Variants in ARB2A observed in about 807,000 individuals in gnomAD.
The protein encoded by ARB2A is cotranscriptional regulator ARB2A.
the ARB2A span, among the ~76,000 whole-genome samples, chr5:93,811,209 A>G: frequency 1.3e-5 from 2 of 152,140 alleles, no homozygotes; most frequent in Non-Finnish European, 2.9e-5. Flanking sequence ...AAAAGAGCCA[A>G]CCAGGGGTTT....
the ARB2A span, among the ~76,000 whole-genome samples, chr5:93,677,479 G>A: frequency 1.3e-5 from 2 of 152,212 alleles, no homozygotes; most frequent in African/African-American, 2.4e-5. Context: ...AAGTGAGCAG[G>A]CGTGCTGCCA....
the ARB2A span, among the ~76,000 whole-genome samples, chr5:93,811,124 G>A: frequency 6.6e-6 from 1 of 152,168 alleles, no homozygotes; most frequent in Admixed American, 6.5e-5. Flanking sequence ...CTGTTCCAGC[G>A]AGATATAAAA....
At chr5:94,104,503 G>T in the ARB2A span, among the ~76,000 whole-genome samples, 3 of 151,940 alleles carry the variant, frequency 2.0e-5, no homozygotes, top group South Asian at 2.1e-4. Flanking sequence ...TTTCAAAATT[G>T]ATCAGTAATA....
chr5:93,632,152 T>A, the ARB2A span, among the ~76,000 whole-genome samples: 1 of 152,038 alleles, frequency 6.6e-6, no homozygotes, highest in Non-Finnish European at 1.5e-5. Flanking sequence ...AGTAAACCAA[T>A]GAACGTGCAA....
the ARB2A span, among the ~76,000 whole-genome samples, chr5:93,762,271 C>T: frequency 6.6e-6 from 1 of 152,006 alleles, no homozygotes; most frequent in Non-Finnish European, 1.5e-5. Context: ...GGAGGAAGTT[C>T]GAATCCAAGG....
the ARB2A span, among the ~76,000 whole-genome samples, chr5:93,854,705 C>T: frequency 2.6e-5 from 4 of 152,106 alleles, no homozygotes; most frequent in Admixed American, 6.5e-5. Context: ...GCCTTCATTT[C>T]GTTTTATGTA....
chr5:93,824,480 ATAAAAAT>A, the ARB2A span, among the ~76,000 whole-genome samples: 1 of 152,184 alleles, frequency 6.6e-6, no homozygotes, highest in African/African-American at 2.4e-5. Context: ...GAATTAAAAG[ATAAAAAT>A]TAAAAAAAAC....
chr5:93,777,518 T>C, the ARB2A span, among the ~76,000 whole-genome samples: 1 of 152,132 alleles, frequency 6.6e-6, no homozygotes, highest in Non-Finnish European at 1.5e-5. Flanking sequence ...ATCATATGGT[T>C]TCTAAAAAAT....
the ARB2A span, among the ~76,000 whole-genome samples, chr5:93,770,684 G>T: frequency 4.9e-4 from 74 of 152,238 alleles, no homozygotes; most frequent in East Asian, 7.9e-3. Flanking sequence ...GCCAAATCAT[G>T]AGTGAACTCC....
At chr5:93,649,561 T>A in the ARB2A span, among the ~76,000 whole-genome samples, 1 of 152,226 alleles carries the variant, frequency 6.6e-6, no homozygotes, top group East Asian at 1.9e-4. Context: ...CAACTATGAA[T>A]GGGAATAACT....
At chr5:93,864,273 AAATGAATATACCAC>A in the ARB2A span, among the ~76,000 whole-genome samples, 1 of 152,206 alleles carries the variant, frequency 6.6e-6, no homozygotes, top group Non-Finnish European at 1.5e-5. Flanking sequence ...GAGTGTTGTA[AAATGAATATACCAC>A]AATGAATATA....
chr5:93,957,534 A>C, the ARB2A span, among the ~76,000 whole-genome samples: 5 of 152,100 alleles, frequency 3.3e-5, no homozygotes, highest in Non-Finnish European at 1.5e-5. Flanking sequence ...TCTAAACTTC[A>C]ATTTATTTTT....
the ARB2A span, among the ~76,000 whole-genome samples, chr5:93,818,053 A>T: frequency 1.7e-3 from 263 of 152,218 alleles, 1 homozygote; most frequent in Non-Finnish European, 3.2e-3. Context: ...TTCTCCAAAA[A>T]ATACAAATGG....
the ARB2A span, among the ~76,000 whole-genome samples, chr5:93,957,725 G>T: frequency 6.6e-6 from 1 of 152,058 alleles, no homozygotes; most frequent in African/African-American, 2.4e-5. Flanking sequence ...TTTTTTAGGA[G>T]CTGGGCTGAG....
chr5:93,765,816 C>A, the ARB2A span, among the ~76,000 whole-genome samples: 1 of 152,166 alleles, frequency 6.6e-6, no homozygotes, highest in Admixed American at 6.5e-5. Flanking sequence ...ACCAAAACAG[C>A]ATGGTACTGG....
the ARB2A span, among the ~76,000 whole-genome samples, chr5:93,762,711 A>G: frequency 6.6e-6 from 1 of 152,172 alleles, no homozygotes; most frequent in Non-Finnish European, 1.5e-5. Context: ...CGCCACAAAG[A>G]TACTCCTGGA....
the ARB2A span, among the ~76,000 whole-genome samples, chr5:93,669,951 A>G: frequency 6.6e-6 from 1 of 152,176 alleles, no homozygotes; most frequent in South Asian, 2.1e-4. Context: ...ATAAAAAGAG[A>G]GCATGGTTAA....
the ARB2A span, among the ~76,000 whole-genome samples, chr5:94,031,555 T>C: frequency 2.4e-4 from 37 of 152,130 alleles, no homozygotes; most frequent in African/African-American, 8.9e-4. Context: ...GCAAAAATAA[T>C]TGGAAAATTC....
At chr5:93,926,757 GA>G in the ARB2A span, among the ~76,000 whole-genome samples, 8 of 150,494 alleles carry the variant, frequency 5.3e-5, no homozygotes, top group Admixed American at 2.0e-4. Flanking sequence ...TTTGAAAGAA[GA>G]TTTTTTTTTT....
Sources: allele counts gnomAD v4.1 joint callset (sites outside exome capture counted in the v4.1 genomes callset), GRCh38; gene constraint gnomAD v4.1.1; transcripts MANE v1.5; gene names NCBI Gene and HGNC (gene_info 2026-07-23, HGNC 2026-07-21).